The following TLR10 variants were observed in gnomAD, a reference collection of about 807,000 sequenced individuals.
TLR10 encodes the protein toll like receptor 10.
For synonymous variants in TLR10, 288 were observed against 338.8 expected (o/e 0.85, Z 1.65); for missense variants, 929 against 932.9 (o/e 1.00, Z 0.05).
intron 1 of TLR10, among the ~76,000 whole-genome samples, chr4:38,777,657 T>C (rs935033677): frequency 2.0e-5 from 3 of 152,138 alleles, no homozygotes; most frequent in African/African-American, 7.2e-5. Context: ...CAGGCACTTC[T>C]CAAAAGAAGA....
At chr4:38,776,710 C>T (rs1725080164) in intron 1 of TLR10, among the ~76,000 whole-genome samples, 1 of 152,088 alleles carries the variant, frequency 6.6e-6, no homozygotes, top group South Asian at 2.1e-4. Flanking sequence ...ACCTATTCTG[C>T]CAGAAACTTT....
In TLR10 at chr4:38,774,922, A is replaced by T. The variant is rs780798111; in HGVS notation, c.669T>A (p.Asp223Glu). 6.2e-7 allele frequency: 1 copy of T among 1,611,494 alleles called. No homozygotes were observed. Among genetic ancestry groups the T allele is most frequent in the Non-Finnish European group, 8.5e-7 (1 of 1,179,306 alleles). Residue 223 changes from aspartate to glutamate, a missense_variant, in exon 4 of 4, where the codon GAT (aspartate) becomes GAA (glutamate). Transcript: ENST00000308973. Reference sequence around the variant, plus strand: ...CATAACTTACAAATTGGCTTTTGCCATCTATATTTGTCATTTCTAATATTT... The same window carrying T: ...CATAACTTACAAATTGGCTTTTGCCTTCTATATTTGTCATTTCTAATATTT... ...TSKILEMTNI[D>E]GKSQFVSYEM...
chr4:38,777,337 G>T (rs558656550), intron 1 of TLR10, among the ~76,000 whole-genome samples: 27 of 152,152 alleles, frequency 1.8e-4, no homozygotes, highest in Non-Finnish European at 3.8e-4. Flanking sequence ...AGATCCTGAT[G>T]TGCTTGGAAA....
chr4:38,773,334 C>CT lies in TLR10; in HGVS notation c.2256dup (p.Ala753SerfsTer9), dbSNP rs564674109. On this transcript the variant is annotated frameshift_variant, in exon 4 of 4. Coordinates refer to ENST00000308973, the MANE Select transcript of TLR10 (RefSeq NM_030956.4). LOFTEE classifies it low-confidence loss of function (END_TRUNC). ...CTATCCTTGGGCCATTCCAAGTATG[C>CT]TTTTTTTTCCAGGAGAGCTTTCAGT... The CT allele has an allele frequency of 8.1e-6, 13 of 1,613,332 alleles. No homozygotes were observed. The highest frequency in any genetic ancestry group is 1.6e-4 in the Middle Eastern group (1 of 6,082).
chr4:38,778,986 A>ATTTCTC (rs1560446669), intron 1 of TLR10: 2 of 151,878 alleles, frequency 1.3e-5, no homozygotes, highest in Non-Finnish European at 2.9e-5. Flanking sequence ...TCTCATCTGT[A>ATTTCTC]TTTCTCTTTC....
At chr4:38,782,149 G>A (rs1734988239) in intron 1 of TLR10, among the ~76,000 whole-genome samples, 1 of 152,178 alleles carries the variant, frequency 6.6e-6, no homozygotes, top group Non-Finnish European at 1.5e-5. Flanking sequence ...CAGCTGCCAT[G>A]GCGGCCACTT....
At position 38,775,434 on chromosome 4, in the gene TLR10, G is replaced by A. The variant is rs1579177128; in HGVS notation, c.157C>T (p.Leu53=). The change falls in exon 4 of 4, where the codon CTG becomes TTG. Residue 53 remains leucine, a synonymous_variant. Coordinates refer to ENST00000308973, the MANE Select transcript of TLR10 (RefSeq NM_030956.4). ...AAAAGGAGGTTATAGGATAAATCCA[G>A]TGTCGTTGTGGCTGGGGTCAAGTCT... ...PADLTPATTT[L]DLSYNLLFQL... 1 of 1,614,156 alleles carries A rather than the reference G, an allele frequency of 6.2e-7. No homozygotes were observed. The highest frequency in any genetic ancestry group is 8.5e-7 in the Non-Finnish European group (1 of 1,180,016).
In TLR10 at chr4:38,775,655, A is replaced by T. The variant is rs181681159; in HGVS notation, c.-62-3T>A. Reference sequence around the variant, plus strand: ...ATGATGAAGATGAGCTCAAAACCCTAAAAAAAAGTATATAATATTAGATTT... The same window carrying T: ...ATGATGAAGATGAGCTCAAAACCCTTAAAAAAAGTATATAATATTAGATTT... On this transcript the variant is annotated splice_region_variant and splice_polypyrimidine_tract_variant and intron_variant, in intron 3 of 3. Coordinates refer to ENST00000308973, the MANE Select transcript of TLR10 (RefSeq NM_030956.4). 7.3e-5 allele frequency: 101 copies of T among 1,379,478 alleles called. No homozygotes were observed. The highest frequency in any genetic ancestry group is 8.5e-5 in the Non-Finnish European group (87 of 1,024,550). The allele number at this position is 1,379,478 out of a possible 1,614,324, so 85.5% of individuals were successfully genotyped here.
At position 38,775,256 on chromosome 4, in the gene TLR10, G is replaced by C. The variant is rs1239411775; in HGVS notation, c.335C>G (p.Thr112Ser). Reference sequence around the variant, plus strand: ...CCTGAGACCTGCCAGTAAATACCAAGTTACACTCTTCAGTCTGTTATTAGA... The same window carrying C: ...CCTGAGACCTGCCAGTAAATACCAACTTACACTCTTCAGTCTGTTATTAGA... ...DLSNNRLKSV[T>S]WYLLAGLRYL... Residue 112 changes from threonine (T) to serine (S), a missense_variant, in exon 4 of 4, where the codon ACT (threonine) becomes AGT (serine). Physicochemically the swap from Thr to Ser is moderately conservative, Grantham distance 58. Transcript: ENST00000308973. 1.9e-6 allele frequency: 3 copies of C among 1,613,796 alleles called. No homozygotes were observed. The highest frequency in any genetic ancestry group is 2.2e-5 in the South Asian group (2 of 91,006).
In TLR10 at chr4:38,774,448, G is replaced by T; in HGVS notation, c.1143C>A (p.Gly381=). The T allele has an allele frequency of 6.2e-7, 1 of 1,612,280 alleles. No homozygotes were observed. Among genetic ancestry groups the T allele is most frequent in the South Asian group, 1.1e-5 (1 of 90,456 alleles). Residue 381 remains glycine (G), a synonymous_variant, in exon 4 of 4, where the codon GGC becomes GGA. Transcript: ENST00000308973. ...LPHLKTLILN[G]NKLETLSLVS... Reference sequence around the variant, plus strand: ...CTAAAGAAAGTGTCTCCAGTTTATTGCCATTCAAAATGAGAGTTTTCAAGT... The same window carrying T: ...CTAAAGAAAGTGTCTCCAGTTTATTTCCATTCAAAATGAGAGTTTTCAAGT...
At chr4:38,777,243 T>C (rs563763156) in intron 1 of TLR10, among the ~76,000 whole-genome samples, 30 of 152,210 alleles carry the variant, frequency 2.0e-4, no homozygotes, top group African/African-American at 6.7e-4. Context: ...CATGCAGAAA[T>C]CTAAAGGGGC....
In TLR10 at chr4:38,777,465, C is replaced by A. The variant is rs556023209; in HGVS notation, c.-568-1039G>T. On this transcript the variant is annotated intron_variant, in intron 1 of 3. Transcript: ENST00000308973. Reference sequence around the variant, plus strand: ...AGAAACCAGCAGAAGATTTAGAGTCCAGGAATGACAGGTTCTGACATACAT... The same window carrying A: ...AGAAACCAGCAGAAGATTTAGAGTCAAGGAATGACAGGTTCTGACATACAT... 7.9e-5 allele frequency among the ~76,000 whole-genome samples: 12 copies of A among 152,146 alleles called. No homozygotes were observed. In the South Asian group the frequency reaches 2.5e-3, roughly 32 times the overall value.
At position 38,776,231 on chromosome 4, in the gene TLR10, T is replaced by C. The variant is rs974016953; in HGVS notation, c.-373A>G. Reference sequence around the variant, plus strand: ...TACTGCCAAATAATAGTATTAATGTTGAAAAACAATTTCCAGGTGTGACAT... The same window carrying C: ...TACTGCCAAATAATAGTATTAATGTCGAAAAACAATTTCCAGGTGTGACAT... On this transcript the variant is annotated 5_prime_UTR_variant, in exon 2 of 4. Coordinates refer to ENST00000308973, the MANE Select transcript of TLR10 (RefSeq NM_030956.4). The C allele has an allele frequency of 2.3e-5, 5 of 213,442 alleles. No homozygotes were observed. The highest frequency in any genetic ancestry group is 5.0e-5 in the Non-Finnish European group (5 of 99,396). 13.2% of individuals were successfully genotyped at this position (213,442 alleles called of 1,614,324 possible). A position where few individuals can be genotyped will look rare whatever the true frequency, so the allele number is the denominator to read the frequency against.
Sources: allele counts gnomAD v4.1 joint callset (sites outside exome capture counted in the v4.1 genomes callset), GRCh38; gene constraint gnomAD v4.1.1; transcripts MANE v1.5; gene names NCBI Gene and HGNC (gene_info 2026-07-23, HGNC 2026-07-21).